The following TRIM24 variants were observed in gnomAD, a reference collection of about 807,000 sequenced individuals.
TRIM24 encodes the protein tripartite motif containing 24.
In TRIM24, 29 loss-of-function variants were observed where a neutral mutation model predicts 123.9. The observed-to-expected ratio is 0.23, with a 90% CI of 0.17 to 0.32. The LOEUF is 0.32. Among genes scored for constraint, TRIM24 ranks in the 10% least tolerant of loss-of-function variants. The pLI is 1.00. For synonymous variants in TRIM24, 456 were observed against 461.1 expected, an observed-to-expected ratio of 0.99 and a Z score of 0.14; for missense variants, 932 against 1,295.3, an observed-to-expected ratio of 0.72 and a Z score of 4.31.
chr7:138,564,787 A>G (rs563304254), intron 9 of TRIM24, among the ~76,000 whole-genome samples: 5 of 152,118 alleles, frequency 3.3e-5, no homozygotes, highest in East Asian at 3.9e-4. Context: ...AGAGTTCTCA[A>G]CCTCTGAGGG....
At chr7:138,472,796 C>T (rs952925701) in intron 1 of TRIM24, among the ~76,000 whole-genome samples, 1 of 152,192 alleles carries the variant, frequency 6.6e-6, no homozygotes, top group Non-Finnish European at 1.5e-5. Context: ...TGTACTGCTT[C>T]CTTCATCCAG....
At chr7:138,567,751 C>T in intron 10 of TRIM24, 97 bp downstream of exon 10, 3 of 1,212,158 alleles carry the variant, frequency 2.5e-6, no homozygotes, top group Non-Finnish European at 1.1e-6. Context: ...TATAAAGAGC[C>T]AAGAGCAAGC....
At position 138,510,246 on chromosome 7, in the gene TRIM24, A is replaced by T. The variant is rs117580101; in HGVS notation, c.484-4966A>T. 2.0e-3 allele frequency among the ~76,000 whole-genome samples: 307 copies of T among 152,340 alleles called. 2 individuals are homozygous for T. The South Asian group carries it at 0.021, about 11-fold the overall frequency. The stretch of plus-strand genomic sequence containing the variant: ...GACTCGAATGTGAAACCAGCTTGTA[A>T]AGCATAAATGTTGCTTGCAGAATAA... On this transcript the variant is annotated intron_variant, in intron 2 of 18. Transcript: ENST00000343526.
rs769536039 is a variant in TRIM24, at chr7:138,460,521, C to T, written c.-28C>T. The stretch of plus-strand genomic sequence containing the variant: ...GCGGCGGGCGGAGACCGCGCTCTCG[C>T]TTCCCCGGCGGCGGCAAGGGCAGGA... On this transcript the variant is annotated 5_prime_UTR_variant, in exon 1 of 19. Transcript: ENST00000343526. 5.3e-5 allele frequency: 67 copies of T among 1,262,566 alleles called. No individual in the cohort carries two copies. The highest frequency in any genetic ancestry group is 6.2e-5 in the Non-Finnish European group (63 of 1,008,856). The allele number at this position is 1,262,566 out of a possible 1,614,324, so 78.2% of individuals were successfully genotyped here. A position where few individuals can be genotyped will look rare whatever the true frequency, so the allele number is the denominator to read the frequency against.
intron 11 of TRIM24, among the ~76,000 whole-genome samples, chr7:138,571,401 T>TACA (rs1234979865): frequency 6.6e-6 from 1 of 152,208 alleles, no homozygotes; most frequent in African/African-American, 2.4e-5. Flanking sequence ...TTTAGAATAT[T>TACA]ACAACAGTAG....
intron 6 of TRIM24, among the ~76,000 whole-genome samples, chr7:138,534,308 G>A (rs1234338256): frequency 1.3e-5 from 2 of 151,986 alleles, no homozygotes; most frequent in East Asian, 3.9e-4. Flanking sequence ...GTGATGTTAG[G>A]GTGTCAATTT....
intron 10 of TRIM24, among the ~76,000 whole-genome samples, chr7:138,569,832 C>T (rs1797616322): frequency 6.6e-6 from 1 of 152,128 alleles, no homozygotes. Flanking sequence ...TTTCCTTCTT[C>T]CAGCATGAAA....
intron 6 of TRIM24, among the ~76,000 whole-genome samples, chr7:138,537,255 G>C (rs1445750580): frequency 3.9e-5 from 6 of 151,992 alleles, no homozygotes. Flanking sequence ...CCAGTGACAT[G>C]AACCCGGTAC....
chr7:138,505,509 G>GTTGTTGTTGTTGTTGTTGTT, intron 2 of TRIM24, among the ~76,000 whole-genome samples: 1 of 143,820 alleles, frequency 7.0e-6, no homozygotes, highest in South Asian at 2.3e-4. Context: ...TGGGGGTGGT[G>GTTGTTGTTGTTGTTGTTGTT]GTTGTTGTTG....
At chr7:138,492,054 C>T (rs1795798190) in intron 1 of TRIM24, among the ~76,000 whole-genome samples, 2 of 150,644 alleles carry the variant, frequency 1.3e-5, no homozygotes, top group South Asian at 2.1e-4. Flanking sequence ...TCACTTGAGC[C>T]CAGGAGTTCG....
rs1796749600 is a variant in TRIM24 at position 138,531,684 on chromosome 7, G to A, written c.996+2454G>A. ...ATAGTGCCGTAATAAACATACGTGT[G>A]CATGTGTCTTTATAGCAGCATGATT... On this transcript the variant is annotated intron_variant, in intron 6 of 18. Transcript: ENST00000343526. Among the ~76,000 whole-genome samples, 3 of 152,162 alleles carry A rather than the reference G, an allele frequency of 2.0e-5. No individual in the cohort carries two copies. The South Asian group carries it at 6.2e-4, about 32-fold the overall frequency.
At chr7:138,536,922 C>T (rs188924454) in intron 6 of TRIM24, among the ~76,000 whole-genome samples, 61 of 152,320 alleles carry the variant, frequency 4.0e-4, no homozygotes, top group Middle Eastern at 3.4e-3. Flanking sequence ...TGGTGGGCGC[C>T]CCTTCCCCAG....
At position 138,519,237 on chromosome 7, in the gene TRIM24, A is replaced by G; in HGVS notation, c.680A>G (p.Lys227Arg). 1 of 1,614,144 alleles carries G rather than the reference A, an allele frequency of 6.2e-7. No homozygotes were observed. The highest frequency in any genetic ancestry group is 8.5e-7 in the Non-Finnish European group (1 of 1,180,014). ...CGACCAGTGTTTTGTCCTTTTCATA[A>G]AAAGGAGCAGCTGAAGCTGTACTGT... Reference protein sequence around the residue: ...SQRPVFCPFHKKEQLKLYCET... With the variant: ...SQRPVFCPFHRKEQLKLYCET... The change falls in exon 4 of 19, where the codon AAA becomes AGA. Residue 227 changes from lysine to arginine, a missense_variant. This residue lies in a region of TRIM24 where 74 missense variants were observed against 163.6 expected (regional missense o/e 0.45). Transcript: ENST00000343526.
chr7:138,511,443 G>C (rs895194731), intron 2 of TRIM24, among the ~76,000 whole-genome samples: 4 of 151,892 alleles, frequency 2.6e-5, no homozygotes, highest in Non-Finnish European at 5.9e-5. Flanking sequence ...TGGGATTACA[G>C]ATGTGCAGCT....
At chr7:138,472,082 G>A (rs1795283930) in intron 1 of TRIM24, among the ~76,000 whole-genome samples, 1 of 152,034 alleles carries the variant, frequency 6.6e-6, no homozygotes, top group Admixed American at 6.6e-5. Context: ...AAGCCAGATT[G>A]GGGTAGGTTA....
chr7:138,474,128 CTT>C (rs71177990), intron 1 of TRIM24, among the ~76,000 whole-genome samples: 4 of 137,216 alleles, frequency 2.9e-5, no homozygotes, highest in Admixed American at 1.5e-4. Context: ...TGTACTTTTT[CTT>C]TTTTTTTTTT....
chr7:138,478,239 CT>C (rs1263984927), intron 1 of TRIM24, among the ~76,000 whole-genome samples: 1 of 151,896 alleles, frequency 6.6e-6, no homozygotes, highest in Non-Finnish European at 1.5e-5. Flanking sequence ...ACAGGTAAGC[CT>C]TGTGGTTTAT....
At chr7:138,511,859 A>G (rs982996983) in intron 2 of TRIM24, among the ~76,000 whole-genome samples, 1 of 152,178 alleles carries the variant, frequency 6.6e-6, no homozygotes, top group Non-Finnish European at 1.5e-5. Flanking sequence ...CCATTTCAGC[A>G]TTAACTCTCA....
intron 1 of TRIM24, among the ~76,000 whole-genome samples, chr7:138,475,445 A>G (rs1011324875): frequency 6.6e-5 from 10 of 152,240 alleles, no homozygotes; most frequent in African/African-American, 2.2e-4. Flanking sequence ...TGATATTAGT[A>G]AATGGGCTTA....
Sources: allele counts gnomAD v4.1 joint callset (sites outside exome capture counted in the v4.1 genomes callset), GRCh38; gene constraint gnomAD v4.1.1; regional missense constraint gnomAD v4.1.1; transcripts MANE v1.5; gene names NCBI Gene and HGNC (gene_info 2026-07-23, HGNC 2026-07-21).